The following PDE4D variants were observed in gnomAD, a reference collection of about 807,000 sequenced individuals.
PDE4D encodes the protein phosphodiesterase 4D.
PDE4D carries 24 observed loss-of-function variants against 87.4 expected under a neutral mutation model. That is an observed-to-expected ratio of 0.27 (90% CI 0.20 to 0.39). The LOEUF (loss-of-function observed/expected upper bound fraction) is 0.39. Ranked by LOEUF, PDE4D falls within the 10% of genes least tolerant of loss-of-function variation. PDE4D has a pLI of 1.00. For synonymous variants in PDE4D, 384 were observed against 383.2 expected (o/e 1.00, Z -0.02); for missense variants, 714 against 1,041.0 (o/e 0.69, Z 4.32).
intron 1 of PDE4D, among the ~76,000 whole-genome samples, chr5:59,445,576 C>T (rs2153637969): frequency 6.6e-6 from 1 of 152,186 alleles, no homozygotes; most frequent in Non-Finnish European, 1.5e-5. Flanking sequence ...ATGATTTAGT[C>T]AAAATTATTT....
intron 5 of PDE4D, among the ~76,000 whole-genome samples, chr5:59,075,612 C>T (rs1765554749): frequency 6.6e-6 from 1 of 152,122 alleles, no homozygotes; most frequent in African/African-American, 2.4e-5. Flanking sequence ...TTTCTTCCAG[C>T]ATCCACTTAT....
chr5:59,440,317 CTTAA>C (rs1797414485), intron 1 of PDE4D, among the ~76,000 whole-genome samples: 1 of 152,088 alleles, frequency 6.6e-6, no homozygotes, highest in Non-Finnish European at 1.5e-5. Context: ...TACTAACTAC[CTTAA>C]TTATTTAGCA....
intron 1 of PDE4D, among the ~76,000 whole-genome samples, chr5:60,322,061 C>T (rs1172703683): frequency 6.6e-6 from 1 of 151,780 alleles, no homozygotes; most frequent in African/African-American, 2.4e-5. Context: ...TGGGTTTATA[C>T]CCAAAGGAAT....
intron 1 of PDE4D, chr5:60,460,394 G>T: frequency 9.5e-7 from 1 of 1,054,552 alleles, no homozygotes; most frequent in Non-Finnish European, 1.5e-6. Context: ...AAATAATGCA[G>T]TGCCTCTTCA....
At chr5:59,234,899 G>GTT (rs35746970) in intron 1 of PDE4D, among the ~76,000 whole-genome samples, 1 of 151,352 alleles carries the variant, frequency 6.6e-6, no homozygotes, top group Non-Finnish European at 1.5e-5. Context: ...CTCAAATCGA[G>GTT]TTTTTTTTTA....
intron 1 of PDE4D, among the ~76,000 whole-genome samples, chr5:59,317,122 A>G (rs1002753982): frequency 3.3e-5 from 5 of 152,160 alleles, no homozygotes; most frequent in Admixed American, 1.3e-4. Flanking sequence ...AGTTGTCTCT[A>G]ACAGGCCAGT....
chr5:59,002,140 C>T (rs1393720765), intron 6 of PDE4D: 2 of 459,878 alleles, frequency 4.3e-6, no homozygotes, highest in African/African-American at 4.0e-5. Context: ...ATCACCCCCT[C>T]TAACTCCCTC....
chr5:60,382,231 G>C (rs1463867600), intron 1 of PDE4D, among the ~76,000 whole-genome samples: 1 of 151,756 alleles, frequency 6.6e-6, no homozygotes, highest in East Asian at 1.9e-4. Flanking sequence ...AATAAACTGG[G>C]GCAGAGAAAA....
At chr5:60,077,922 GCA>G (rs1371921228) in intron 2 of PDE4D, among the ~76,000 whole-genome samples, 1 of 152,068 alleles carries the variant, frequency 6.6e-6, no homozygotes, top group Non-Finnish European at 1.5e-5. Context: ...GTCCTGGTGT[GCA>G]CTAGCATTGC....
chr5:59,550,632 T>C (rs1429444125), intron 1 of PDE4D, among the ~76,000 whole-genome samples: 2 of 152,114 alleles, frequency 1.3e-5, no homozygotes, highest in African/African-American at 4.8e-5. Flanking sequence ...AACTCACCAA[T>C]TGTGTTTCTT....
intron 1 of PDE4D, among the ~76,000 whole-genome samples, chr5:59,691,461 A>G (rs937644190): frequency 6.6e-6 from 1 of 151,632 alleles, no homozygotes; most frequent in Non-Finnish European, 1.5e-5. Flanking sequence ...TGAGCAAACT[A>G]TTGCAAGGAC....
chr5:59,667,240 G>A (rs1004654345), intron 1 of PDE4D, among the ~76,000 whole-genome samples: 2 of 151,700 alleles, frequency 1.3e-5, no homozygotes, highest in African/African-American at 4.9e-5. Flanking sequence ...TTTTTTTTTG[G>A]GGGGGAGGTT....
chr5:59,799,557 G>A (rs535102483), intron 1 of PDE4D, among the ~76,000 whole-genome samples: 37 of 152,288 alleles, frequency 2.4e-4, no homozygotes, highest in African/African-American at 8.7e-4. Flanking sequence ...GGGGGGGCAG[G>A]AAATGGTTAT....
intron 3 of PDE4D, among the ~76,000 whole-genome samples, chr5:59,954,518 A>C (rs1366733849): frequency 6.6e-6 from 1 of 152,190 alleles, no homozygotes; most frequent in Non-Finnish European, 1.5e-5. Flanking sequence ...AAAGCCGGGA[A>C]GATTAACAAG....
intron 3 of PDE4D, among the ~76,000 whole-genome samples, chr5:59,966,826 T>C (rs1760105387): frequency 6.6e-6 from 1 of 152,232 alleles, no homozygotes; most frequent in Admixed American, 6.5e-5. Context: ...ACAAGGGTTT[T>C]AGTTAATGGT....
At chr5:59,522,784 T>A (rs572250939) in intron 1 of PDE4D, among the ~76,000 whole-genome samples, 1 of 152,326 alleles carries the variant, frequency 6.6e-6, no homozygotes, top group African/African-American at 2.4e-5. Context: ...TCAGAGGACC[T>A]CTACTGCTAC....
chr5:60,337,696 T>C (rs1420615355), intron 1 of PDE4D, among the ~76,000 whole-genome samples: 2 of 152,070 alleles, frequency 1.3e-5, no homozygotes, highest in Non-Finnish European at 2.9e-5. Context: ...GACACCATTT[T>C]ATTCCTCCCT....
At chr5:60,166,994 T>A (rs1019410729) in intron 2 of PDE4D, among the ~76,000 whole-genome samples, 4 of 152,212 alleles carry the variant, frequency 2.6e-5, no homozygotes, top group Admixed American at 2.0e-4. Context: ...TGTCTTTGAT[T>A]TTTGAGAATT....
intron 6 of PDE4D, among the ~76,000 whole-genome samples, chr5:59,022,480 A>C (rs1755375616): frequency 6.6e-6 from 1 of 152,140 alleles, no homozygotes; most frequent in African/African-American, 2.4e-5. Context: ...ACAACCTCTT[A>C]ACAGGCTAAT....
Sources: allele counts gnomAD v4.1 joint callset (sites outside exome capture counted in the v4.1 genomes callset), GRCh38; gene constraint gnomAD v4.1.1; transcripts MANE v1.5; gene names NCBI Gene and HGNC (gene_info 2026-07-23, HGNC 2026-07-21).